Variants in C20orf96 observed in about 807,000 individuals in gnomAD.
C20orf96 encodes the protein chromosome 20 open reading frame 96.
C20orf96 carries 57 observed loss-of-function variants against 52.6 expected under a neutral mutation model. That is an observed-to-expected ratio of 1.08 (90% CI 0.88 to 1.35). The LOEUF is 1.35. Among genes scored for constraint, C20orf96 ranks in the 40% most tolerant of loss-of-function variants. C20orf96 has a pLI of 0.00. For missense variants in C20orf96, 478 were observed against 443.6 expected, an observed-to-expected ratio of 1.08 and a Z score of -0.70; for synonymous variants, 168 against 157.2, an observed-to-expected ratio of 1.07 and a Z score of -0.51.
intron 5 of C20orf96, 56 bp from the exon 6 acceptor site, chr20:278,485 C>T: frequency 1.5e-6 from 2 of 1,354,490 alleles, no homozygotes; most frequent in Non-Finnish European, 2.1e-6. Flanking sequence ...TCAGAGGCGG[C>T]CACCCAGCAC....
chr20:277,171 T>C (rs6046375), intron 7 of C20orf96, 26 bp from the exon 8 acceptor site: 1,013,242 of 1,613,418 alleles, frequency 0.63, 321,433 homozygotes, highest in African/African-American at 0.85. Flanking sequence ...AGGGTGTTGG[T>C]CACCAGTCCT....
At chr20:274,803 TTTC>T (rs1325420343) in intron 10 of C20orf96, among the ~76,000 whole-genome samples, 2 of 148,734 alleles carry the variant, frequency 1.3e-5, no homozygotes, top group African/African-American at 4.8e-5. Flanking sequence ...TGCTTTCTTT[TTTC>T]TTTTTTTTTT....
intron 8 of C20orf96, 21 bp from the exon 9 acceptor site, chr20:276,900 TG>T: frequency 6.2e-7 from 1 of 1,613,808 alleles, no homozygotes; most frequent in Non-Finnish European, 8.5e-7. Flanking sequence ...AGAAGAGGTC[TG>T]GCCCCCAGGT....
chr20:271,073 G>A lies in C20orf96; in HGVS notation c.*134C>T. 1 of 692,142 alleles carries A rather than the reference G, an allele frequency of 1.4e-6. No homozygotes were observed. Among genetic ancestry groups the A allele is most frequent in the Admixed American group, 2.4e-5 (1 of 40,916 alleles). 42.9% of individuals were successfully genotyped at this position (692,142 alleles called of 1,614,324 possible). A position where few individuals can be genotyped will look rare whatever the true frequency, so the allele number is the denominator to read the frequency against. ...AGGGAGGGAGGGAGGGAAAGAAAGA[G>A]GGAGGAAGGGCAGAGGGAGCAGGGA... On this transcript the variant is annotated 3_prime_UTR_variant, in exon 11 of 11. Transcript: ENST00000360321.
At chr20:276,591 G>A (rs1425674887) in intron 9 of C20orf96, 1 of 985,388 alleles carries the variant, frequency 1.0e-6, no homozygotes, top group Middle Eastern at 5.2e-4. Flanking sequence ...TGGCTAATGA[G>A]GCAAGGCCTA....
intron 2 of C20orf96, 76 bp from the exon 3 acceptor site, chr20:289,752 C>A: frequency 8.3e-7 from 1 of 1,199,802 alleles, no homozygotes; most frequent in South Asian, 1.2e-5. Context: ...ATCTGTGACC[C>A]CAAGCAAGTG....
chr20:283,399 G>A (rs1423659558), intron 4 of C20orf96, among the ~76,000 whole-genome samples: 1 of 152,012 alleles, frequency 6.6e-6, no homozygotes, highest in African/African-American at 2.4e-5. Context: ...TGCCTCCCAG[G>A]TTCAAGCCGG....
intron 1 of C20orf96, 78 bp from the exon 2 acceptor site, chr20:290,385 T>A (rs1203064202): frequency 3.2e-6 from 5 of 1,579,764 alleles, no homozygotes; most frequent in Non-Finnish European, 4.3e-6. Context: ...GAAACAGGAT[T>A]GGAGTCTCGA....
chr20:275,598 T>C (rs1017457108), intron 10 of C20orf96, among the ~76,000 whole-genome samples: 2 of 152,152 alleles, frequency 1.3e-5, no homozygotes, highest in African/African-American at 4.8e-5. Flanking sequence ...CTTCTCTCCT[T>C]GTAGAGTGTC....
chr20:287,833 C>T (rs6082245), intron 3 of C20orf96, among the ~76,000 whole-genome samples: 55,299 of 146,748 alleles, frequency 0.38, 10,517 homozygotes, highest in East Asian at 0.52. Flanking sequence ...CGCTTGAACC[C>T]GGGAGACAGA....
In C20orf96 at chr20:284,100, G is replaced by A. The variant is rs2012321692; in HGVS notation, c.188-19C>T. The stretch of plus-strand genomic sequence containing the variant: ...TGAAACACTAGGGGTAGACAGGAAA[G>A]GACAGGGAGAGAGTGAGGGTCCCGG... On this transcript the variant is annotated intron_variant, in intron 3 of 10. Coordinates refer to ENST00000360321, the MANE Select transcript of C20orf96 (RefSeq NM_153269.3). 6.2e-7 allele frequency: 1 copy of A among 1,601,100 alleles called. No individual in the cohort carries two copies. The highest frequency in any genetic ancestry group is 1.7e-5 in the Admixed American group (1 of 59,994).
At chr20:286,260 T>C (rs1484810349) in intron 3 of C20orf96, among the ~76,000 whole-genome samples, 1 of 152,174 alleles carries the variant, frequency 6.6e-6, no homozygotes, top group Non-Finnish European at 1.5e-5. Flanking sequence ...CTCACGCCTG[T>C]AATCCCAGCA....
At chr20:276,318 G>A in intron 9 of C20orf96, 1 of 985,434 alleles carries the variant, frequency 1.0e-6, no homozygotes. Flanking sequence ...GGAGAATGGA[G>A]ACAGGTTACA....
chr20:271,270 G>C lies in C20orf96; in HGVS notation c.1032-3C>G, dbSNP rs1185448016. Reference sequence around the variant, plus strand: ...TGACATCCATGTCTGGGGTGCACCTGGTGGGAGGCAGCACAGAAGGCCATG... The same window carrying C: ...TGACATCCATGTCTGGGGTGCACCTCGTGGGAGGCAGCACAGAAGGCCATG... On this transcript the variant is annotated splice_polypyrimidine_tract_variant and splice_region_variant and intron_variant, in intron 10 of 10. Transcript: ENST00000360321. The C allele has an allele frequency of 6.4e-7, 1 of 1,552,800 alleles. No homozygotes were observed. The highest frequency in any genetic ancestry group is 1.2e-5 in the South Asian group (1 of 83,810).
intron 9 of C20orf96, 58 bp from the exon 10 acceptor site, chr20:276,144 G>T: frequency 3.1e-6 from 5 of 1,609,208 alleles, no homozygotes; most frequent in Non-Finnish European, 4.2e-6. Flanking sequence ...CAACCAAAGG[G>T]AGAAAGGCCA....
chr20:271,476 A>G (rs1216498389), intron 10 of C20orf96, among the ~76,000 whole-genome samples: 4 of 151,390 alleles, frequency 2.6e-5, no homozygotes, highest in African/African-American at 9.7e-5. Flanking sequence ...ACACACACAC[A>G]CACATACACA....
chr20:286,567 G>A (rs975506095), intron 3 of C20orf96, among the ~76,000 whole-genome samples: 2 of 149,782 alleles, frequency 1.3e-5, no homozygotes, highest in African/African-American at 2.5e-5. Context: ...GAGAGGGGAG[G>A]GGAAGGGAGG....
chr20:287,145 G>A (rs564304470), intron 3 of C20orf96, among the ~76,000 whole-genome samples: 50 of 152,324 alleles, frequency 3.3e-4, no homozygotes, highest in African/African-American at 1.2e-3. Context: ...GCTTTTGTGT[G>A]AATATAAGTT....
intron 3 of C20orf96, among the ~76,000 whole-genome samples, chr20:287,113 T>C (rs1347797796): frequency 1.3e-5 from 2 of 152,236 alleles, no homozygotes; most frequent in Admixed American, 6.5e-5. Flanking sequence ...TGAACGAGGC[T>C]GCTATGAACA....
Sources: allele counts gnomAD v4.1 joint callset (sites outside exome capture counted in the v4.1 genomes callset), GRCh38; gene constraint gnomAD v4.1.1; transcripts MANE v1.5; gene names NCBI Gene and HGNC (gene_info 2026-07-23, HGNC 2026-07-21).